Variants in ERBB4 observed in about 807,000 individuals in gnomAD.
ERBB4 encodes the protein receptor tyrosine-protein kinase erbB-4.
In ERBB4, 42 loss-of-function variants were observed where a neutral mutation model predicts 158.0. The ratio of observed to expected loss-of-function variants is 0.27; its 90% CI spans 0.21 to 0.34. ERBB4 has a LOEUF of 0.34. Among genes scored for constraint, ERBB4 ranks in the 10% least tolerant of loss-of-function variants. ERBB4 has a pLI of 1.00. For missense variants in ERBB4, 1,333 were observed against 1,624.1 expected (o/e 0.82, Z 3.08); for synonymous variants, 583 against 558.7 (o/e 1.04, Z -0.61).
chr2:212,026,460 A>G (rs914169604), intron 2 of ERBB4, among the ~76,000 whole-genome samples: 1 of 151,856 alleles, frequency 6.6e-6, no homozygotes, highest in East Asian at 1.9e-4. Flanking sequence ...TAAGTGTATG[A>G]ACAAATTCGT....
chr2:211,725,645 G>T (rs1350006036), intron 5 of ERBB4, among the ~76,000 whole-genome samples: 1 of 152,070 alleles, frequency 6.6e-6, no homozygotes, highest in African/African-American at 2.4e-5. Context: ...AAGGAAAATT[G>T]AGATAACTAA....
At chr2:212,505,632 C>T (rs953026615) in intron 1 of ERBB4, among the ~76,000 whole-genome samples, 2 of 148,936 alleles carry the variant, frequency 1.3e-5, no homozygotes, top group Non-Finnish European at 3.0e-5. Flanking sequence ...GAAACCTTGA[C>T]GGATGATATA....
chr2:212,336,251 T>C (rs2088437748), intron 1 of ERBB4, among the ~76,000 whole-genome samples: 1 of 152,100 alleles, frequency 6.6e-6, no homozygotes, highest in African/African-American at 2.4e-5. Flanking sequence ...TTCTAACTTT[T>C]AGCATTTAAA....
chr2:212,171,416 A>G (rs1261376283), intron 1 of ERBB4, among the ~76,000 whole-genome samples: 2 of 151,910 alleles, frequency 1.3e-5, no homozygotes, highest in Non-Finnish European at 2.9e-5. Context: ...TTAATGCTGG[A>G]ATGAATTAAG....
At chr2:211,962,749 A>C (rs1431366915) in intron 2 of ERBB4, among the ~76,000 whole-genome samples, 1 of 152,144 alleles carries the variant, frequency 6.6e-6, no homozygotes, top group Non-Finnish European at 1.5e-5. Flanking sequence ...GAATACAAAA[A>C]TACTTCATGA....
intron 16 of ERBB4, among the ~76,000 whole-genome samples, chr2:211,653,727 T>C (rs1574930255): frequency 6.6e-6 from 1 of 151,856 alleles, no homozygotes; most frequent in East Asian, 1.9e-4. Flanking sequence ...CAGGCTGGAG[T>C]GTAGTGACAC....
At chr2:211,950,493 T>C (rs2080844678) in intron 2 of ERBB4, among the ~76,000 whole-genome samples, 2 of 152,174 alleles carry the variant, frequency 1.3e-5, no homozygotes, top group South Asian at 2.1e-4. Context: ...TGGGAAAATA[T>C]AACATTTTAT....
rs141432860 is a variant in ERBB4 at position 211,563,355 on chromosome 2, C to T, written c.2302-1267G>A. Among the ~76,000 whole-genome samples the T allele has an allele frequency of 4.9e-4, 74 of 152,224 alleles. 1 individual carries two copies. Among genetic ancestry groups the T allele is most frequent in the African/African-American group, 2.2e-4 (9 of 41,552 alleles). ...TTGAAAAGCTATGTAATATCACCTA[C>T]GTAGTATTCTTGTCAATAATATCTG... On this transcript the variant is annotated intron_variant, in intron 19 of 27. Transcript: ENST00000342788.
chr2:211,768,343 T>C (rs1264088296), intron 4 of ERBB4, among the ~76,000 whole-genome samples: 1 of 152,178 alleles, frequency 6.6e-6, no homozygotes, highest in Non-Finnish European at 1.5e-5. Context: ...AAGCTGTCGA[T>C]GGATCTACCA....
chr2:212,145,397 T>C (rs1052034405), intron 1 of ERBB4, among the ~76,000 whole-genome samples: 7 of 152,188 alleles, frequency 4.6e-5, no homozygotes, highest in African/African-American at 1.4e-4. Flanking sequence ...CCAATTGTTA[T>C]AAATTTCAGG....
chr2:212,255,502 C>A (rs1016463041), intron 1 of ERBB4, among the ~76,000 whole-genome samples: 1 of 152,142 alleles, frequency 6.6e-6, no homozygotes, highest in Non-Finnish European at 1.5e-5. Context: ...ACCAAATAGT[C>A]TATCAGTTCT....
intron 1 of ERBB4, among the ~76,000 whole-genome samples, chr2:212,248,289 G>A (rs1574515016): frequency 6.6e-6 from 1 of 152,236 alleles, no homozygotes; most frequent in South Asian, 2.1e-4. Flanking sequence ...ATCATTTTAA[G>A]GTTCCATGTG....
chr2:212,486,427 T>G (rs1689985273), intron 1 of ERBB4, among the ~76,000 whole-genome samples: 1 of 152,160 alleles, frequency 6.6e-6, no homozygotes, highest in African/African-American at 2.4e-5. Flanking sequence ...GCTTTCAATA[T>G]AAATAATGTT....
chr2:211,791,901 T>C (rs1379214500), intron 3 of ERBB4, among the ~76,000 whole-genome samples: 2 of 151,772 alleles, frequency 1.3e-5, no homozygotes, highest in African/African-American at 2.4e-5. Flanking sequence ...TCTTTTTTTA[T>C]TTAGAGTAAA....
At chr2:212,318,891 G>A (rs567395306) in intron 1 of ERBB4, among the ~76,000 whole-genome samples, 2 of 151,650 alleles carry the variant, frequency 1.3e-5, no homozygotes, top group African/African-American at 2.4e-5. Context: ...AGCATTACTG[G>A]CCAATGGCAT....
intron 2 of ERBB4, among the ~76,000 whole-genome samples, chr2:211,987,928 TA>T (rs1437843617): frequency 2.6e-5 from 4 of 152,318 alleles, no homozygotes; most frequent in African/African-American, 7.2e-5. Context: ...AACTCGCCAC[TA>T]AAGTTCAACA....
At chr2:211,940,315 G>A (rs1217397548) in intron 3 of ERBB4, among the ~76,000 whole-genome samples, 3 of 152,066 alleles carry the variant, frequency 2.0e-5, no homozygotes, top group Non-Finnish European at 4.4e-5. Context: ...CTACATTTGG[G>A]ACTCTGAGGA....
chr2:211,843,415 G>GCACACA (rs10673889), intron 3 of ERBB4, among the ~76,000 whole-genome samples: 3,543 of 149,840 alleles, frequency 0.024, 91 homozygotes, highest in African/African-American at 0.067. Context: ...GCGTGCGTGT[G>GCACACA]CACACACACA....
chr2:212,052,252 T>C (rs2077419341), intron 2 of ERBB4, among the ~76,000 whole-genome samples: 1 of 152,220 alleles, frequency 6.6e-6, no homozygotes, highest in Non-Finnish European at 1.5e-5. Context: ...CTTCAGCTTC[T>C]GGACCCTTGG....
Sources: gnomAD v4.1 joint callset for allele counts (sites outside exome capture counted in the v4.1 genomes callset) on GRCh38, gnomAD v4.1.1 for gene constraint, MANE v1.5 for transcripts, NCBI Gene and HGNC (gene_info 2026-07-23, HGNC 2026-07-21) for gene names.